Variants in TG observed in about 807,000 individuals in gnomAD.
The protein encoded by TG is thyroid hormones.
In TG, 270 loss-of-function variants were observed where a neutral mutation model predicts 324.7. The ratio of observed to expected loss-of-function variants is 0.83; its 90% CI spans 0.75 to 0.92. The LOEUF is 0.92. Ranked by LOEUF, TG falls within the 40% of genes least tolerant of loss-of-function variation. The pLI is 0.00. For missense variants in TG, 3,591 were observed against 3,456.4 expected (o/e 1.04, Z -0.98); for synonymous variants, 1,401 against 1,327.0 (o/e 1.06, Z -1.21).
chr8:133,000,310 G>A (rs565453963), intron 35 of TG, among the ~76,000 whole-genome samples: 10 of 152,234 alleles, frequency 6.6e-5, no homozygotes, highest in African/African-American at 2.4e-4. Flanking sequence ...TGGGAAGATG[G>A]GACCAACCCT....
At position 133,133,611 on chromosome 8, in the gene TG, C is replaced by T. The variant is rs768913752; in HGVS notation, c.8139C>T (p.Ala2713=). ...CCAATCGACAGGGCCTGAAGAAAGC[C>T]GACTGCTCCTTCTGGTCCAAGTACA... ...LLPNRQGLKK[A]DCSFWSKYIS... The change falls in exon 47 of 48, where the codon GCC becomes GCT. Residue 2713 remains alanine, a synonymous_variant. Transcript: ENST00000220616. 2.2e-5 allele frequency: 35 copies of T among 1,614,080 alleles called. No homozygotes were observed. Among genetic ancestry groups the T allele is most frequent in the Non-Finnish European group, 2.7e-5 (32 of 1,180,040 alleles).
chr8:132,941,663 A>G, intron 26 of TG, 121 bp downstream of exon 26: 1 of 1,039,930 alleles, frequency 9.6e-7, no homozygotes, highest in Admixed American at 2.0e-5. Flanking sequence ...ACACCCAAAG[A>G]GAAGGTGACA....
At chr8:132,983,638 A>T in intron 35 of TG, 1 of 604,630 alleles carries the variant, frequency 1.7e-6, no homozygotes, top group Non-Finnish European at 3.0e-6. Context: ...TGTGGAAATT[A>T]TGTGGCTGAT....
intron 43 of TG, among the ~76,000 whole-genome samples, chr8:133,097,144 C>A (rs1305448398): frequency 7.9e-5 from 12 of 152,224 alleles, no homozygotes; most frequent in Admixed American, 7.9e-4. Context: ...CCTTCCCCTG[C>A]ACATGCATGA....
At chr8:132,946,480 C>G (rs970675778) in intron 26 of TG, among the ~76,000 whole-genome samples, 5 of 152,170 alleles carry the variant, frequency 3.3e-5, no homozygotes, top group Non-Finnish European at 1.5e-5. Context: ...GTGGGCAAAT[C>G]TGGAGTTTTA....
In TG at chr8:133,042,678, C is replaced by CCTTT. The variant is rs1554706932; in HGVS notation, c.7239+12655_7239+12656insCTTT. On this transcript the variant is annotated intron_variant, in intron 41 of 47. Transcript: ENST00000220616. Reference sequence around the variant, plus strand: ...GTGCACAATTCCTCTCATTCTGTGTCTTTTTTTTTTTTTTTTTTTTTTTTT... The same window carrying CCTTT: ...GTGCACAATTCCTCTCATTCTGTGTCCTTTTTTTTTTTTTTTTTTTTTTTTTTTT... 5.2e-3 allele frequency among the ~76,000 whole-genome samples: 294 copies of CCTTT among 56,782 alleles called. 15 individuals carry two copies. Among genetic ancestry groups the CCTTT allele is most frequent in the South Asian group, 0.016 (26 of 1,676 alleles). The allele number at this position is 56,782 out of a possible 152,430, so 37.3% of individuals were successfully genotyped here.
In TG at chr8:132,913,150, C is replaced by T; in HGVS notation, c.4263C>T (p.Thr1421=). ...HLDSKTFPAE[T]IRFLQGDHFG... ...ACTCCAAGACGTTCCCAGCGGAAAC[C>T]ATCCGCTTCCTCCAAGGGGACCACT... The change falls in exon 20 of 48, where the codon ACC becomes ACT. Residue 1421 remains threonine, a synonymous_variant. Coordinates refer to ENST00000220616, the MANE Select transcript of TG (RefSeq NM_003235.5). 1 of 1,614,162 alleles carries T rather than the reference C, an allele frequency of 6.2e-7. No homozygotes were observed.
intron 26 of TG, among the ~76,000 whole-genome samples, chr8:132,943,916 C>G (rs552694372): frequency 2.8e-4 from 43 of 152,306 alleles, no homozygotes; most frequent in African/African-American, 1.0e-3. Flanking sequence ...TCTCCTTCAG[C>G]TTTCTGGGTT....
chr8:133,080,159 G>A (rs542398291), intron 41 of TG, among the ~76,000 whole-genome samples: 9 of 152,192 alleles, frequency 5.9e-5, no homozygotes, highest in African/African-American at 1.9e-4. Context: ...AAATCAAGAG[G>A]AAAAAACACC....
At chr8:133,022,430 T>A (rs1428141680) in intron 40 of TG, among the ~76,000 whole-genome samples, 2 of 152,104 alleles carry the variant, frequency 1.3e-5, no homozygotes, top group Non-Finnish European at 2.9e-5. Flanking sequence ...GAGTGTGTAG[T>A]TTAAAGAGGA....
chr8:132,906,620 A>G, intron 16 of TG, 68 bp from the exon 17 acceptor site: 5 of 1,578,090 alleles, frequency 3.2e-6, no homozygotes, highest in Non-Finnish European at 4.3e-6. Context: ...AGACACCCAC[A>G]AGCAGGCATG....
chr8:133,036,191 TTTCCTAAGCCTGGACC>T (rs1837108127), intron 41 of TG, among the ~76,000 whole-genome samples: 1 of 152,212 alleles, frequency 6.6e-6, no homozygotes, highest in African/African-American at 2.4e-5. Context: ...CTTGGAGGCC[TTTCCTAAGCCTGGACC>T]TGAAGGATGT....
intron 41 of TG, among the ~76,000 whole-genome samples, chr8:133,066,131 G>A (rs2739140): frequency 0.25 from 37,472 of 151,952 alleles, 4,873 homozygotes; most frequent in African/African-American, 0.32. Flanking sequence ...AGACCATCCT[G>A]GCTGACATGG....
At chr8:133,051,021 G>A in intron 41 of TG, 1 of 672,594 alleles carries the variant, frequency 1.5e-6, no homozygotes. Flanking sequence ...TTTCCAGCAG[G>A]AAATACCTTT....
chr8:133,086,509 A>G (rs1258890822), intron 41 of TG, among the ~76,000 whole-genome samples: 2 of 152,218 alleles, frequency 1.3e-5, no homozygotes, highest in Admixed American at 6.5e-5. Flanking sequence ...TTAACATGCC[A>G]TGGAAACAAC....
intron 23 of TG, among the ~76,000 whole-genome samples, 171 bp from the exon 24 acceptor site, chr8:132,933,384 GTATATT>G (rs1823064047): frequency 6.7e-4 from 2 of 2,970 alleles, no homozygotes; most frequent in Admixed American, 3.3e-3. Context: ...CTGTGTGTGT[GTATATT>G]TGTGTATTTG....
At chr8:132,868,319 C>G in intron 2 of TG, 96 bp downstream of exon 2, 1 of 1,129,034 alleles carries the variant, frequency 8.9e-7, no homozygotes, top group Non-Finnish European at 1.3e-6. Flanking sequence ...CCCTGCAACT[C>G]CTTTGTGCAT....
chr8:132,963,054 C>G lies in TG; in HGVS notation c.5528C>G (p.Pro1843Arg), dbSNP rs771603935. ...MGCRKDTVPR[P>R]ASPTEAGLTT... ...TGTAGAAAAGACACAGTGCCAAGGCCAGCATCTCCAACAGAAGCAGGTACT... is the reference window on the plus strand; with the variant it reads ...TGTAGAAAAGACACAGTGCCAAGGCGAGCATCTCCAACAGAAGCAGGTACT... Residue 1843 changes from proline to arginine, a missense_variant, in exon 29 of 48, where the codon CCA (proline) becomes CGA (arginine). Coordinates refer to ENST00000220616, the MANE Select transcript of TG (RefSeq NM_003235.5). 1.2e-5 allele frequency: 20 copies of G among 1,613,890 alleles called. No homozygotes were observed. The highest frequency in any genetic ancestry group is 6.7e-5 in the Admixed American group (4 of 59,994).
At chr8:132,868,845 A>G (rs922656091) in intron 2 of TG, among the ~76,000 whole-genome samples, 3 of 152,208 alleles carry the variant, frequency 2.0e-5, no homozygotes, top group Admixed American at 1.3e-4. Flanking sequence ...AATAGACAGG[A>G]ATCCTTTGCA....
Sources: allele counts gnomAD v4.1 joint callset (sites outside exome capture counted in the v4.1 genomes callset), GRCh38; gene constraint gnomAD v4.1.1; transcripts MANE v1.5; gene names NCBI Gene and HGNC (gene_info 2026-07-23, HGNC 2026-07-21).